NLRP9: variants seen among roughly 807,000 people sequenced by gnomAD.
NLRP9 encodes the protein NLR family pyrin domain containing 9.
A neutral mutation model predicts 83.1 loss-of-function variants in NLRP9; 88 were observed. The observed-to-expected ratio is 1.06, with a 90% CI of 0.89 to 1.26. The LOEUF (loss-of-function observed/expected upper bound fraction) is 1.26, where lower values mean the gene tolerates loss of function less well. Ranked by LOEUF, NLRP9 falls within the 50% of genes most tolerant of loss-of-function variation. The pLI is 0.00. For synonymous variants in NLRP9, 521 were observed against 447.6 expected (o/e 1.16, Z -2.07); for missense variants, 1,308 against 1,179.3 (o/e 1.11, Z -1.60).
In NLRP9 at chr19:55,732,892, C is replaced by T; in HGVS notation, c.939G>A (p.Glu313=). ...KKSYFSYFFG[E]KSKALKVFNF... Reference sequence around the variant, plus strand: ...TGAAGACTTTCAGGGCTTTGCTCTTCTCACCAAAGAAGTAGGAGAAATACG... The same window carrying T: ...TGAAGACTTTCAGGGCTTTGCTCTTTTCACCAAAGAAGTAGGAGAAATACG... Residue 313 remains glutamate (E), a synonymous_variant, in exon 2 of 9, where the codon GAG becomes GAA. Transcript: ENST00000332836. The T allele has an allele frequency of 6.2e-7, 1 of 1,613,968 alleles. No homozygotes were observed. The highest frequency in any genetic ancestry group is 8.5e-7 in the Non-Finnish European group (1 of 1,179,992).
intron 3 of NLRP9, among the ~76,000 whole-genome samples, chr19:55,728,853 G>A (rs2122321880): frequency 6.6e-6 from 1 of 152,174 alleles, no homozygotes; most frequent in South Asian, 2.1e-4. Context: ...TTACAGGGGT[G>A]AAGAGAACAG....
intron 4 of NLRP9, 130 bp from the exon 5 acceptor site, chr19:55,717,028 TTTTTC>T: frequency 3.4e-6 from 2 of 581,946 alleles, no homozygotes; most frequent in African/African-American, 2.1e-5. Flanking sequence ...CTACAGACTC[TTTTTC>T]TTTTTTTTTT....
At chr19:55,724,518 A>G (rs940895779) in intron 3 of NLRP9, among the ~76,000 whole-genome samples, 2 of 152,136 alleles carry the variant, frequency 1.3e-5, no homozygotes, top group African/African-American at 2.4e-5. Context: ...TGACGCACAC[A>G]TATCTGAATT....
intron 1 of NLRP9, among the ~76,000 whole-genome samples, chr19:55,737,038 C>T (rs1988803253): frequency 6.6e-6 from 1 of 151,966 alleles, no homozygotes; most frequent in African/African-American, 2.4e-5. Context: ...AGATAACAAT[C>T]ATCAGAAACA....
At chr19:55,728,185 A>G (rs1988455723) in intron 3 of NLRP9, among the ~76,000 whole-genome samples, 1 of 152,210 alleles carries the variant, frequency 6.6e-6, no homozygotes, top group African/African-American at 2.4e-5. Flanking sequence ...GAAGGAAACC[A>G]GACATTCAGT....
intron 1 of NLRP9, among the ~76,000 whole-genome samples, chr19:55,735,739 G>A (rs752675174): frequency 6.6e-6 from 1 of 151,952 alleles, no homozygotes; most frequent in South Asian, 2.1e-4. Flanking sequence ...CCAGGCTAAA[G>A]TGCAGTGGTG....
chr19:55,709,050 A>AAC lies in NLRP9; in HGVS notation c.2844-7_2844-6insGT. On this transcript the variant is annotated splice_region_variant and splice_polypyrimidine_tract_variant and intron_variant, in intron 8 of 8. Transcript: ENST00000332836. ...CAAAGCCAGATTTGTGCAGCCTGGG[A>AAC]AAATAGAAATAAAGTTTTTTTTTTT... 6.4e-7 allele frequency: 1 copy of AAC among 1,556,492 alleles called. No individual in the cohort carries two copies. The highest frequency in any genetic ancestry group is 8.6e-7 in the Non-Finnish European group (1 of 1,161,876).
At position 55,732,749 on chromosome 19, in the gene NLRP9, G is replaced by A; in HGVS notation, c.1082C>T (p.Ser361Phe). ...TGCATATAAATAGGTGGTGTTTTGG[G>A]AGTTTATTTCAAGGTCTTCTCCCCT... The part of the protein sequence containing the change: ...LERGEDLEIN[S>F]QNTTYLYASF... The change falls in exon 2 of 9, where the codon TCC becomes TTC. Residue 361 changes from serine (S) to phenylalanine (F), a missense_variant. Ser to Phe is a radical substitution (Grantham distance 155). Coordinates refer to ENST00000332836, the MANE Select transcript of NLRP9 (RefSeq NM_176820.4). 1 of 1,614,134 alleles carries A rather than the reference G, an allele frequency of 6.2e-7. No homozygotes were observed.
At chr19:55,737,254 G>GA (rs1181261463) in intron 1 of NLRP9, 4 of 152,198 alleles carry the variant, frequency 2.6e-5, no homozygotes, top group African/African-American at 7.2e-5. Context: ...TGATAAGAAT[G>GA]AAAAGACATT....
chr19:55,713,991 A>G (rs1482128077), intron 6 of NLRP9, among the ~76,000 whole-genome samples: 1 of 143,496 alleles, frequency 7.0e-6, no homozygotes, highest in East Asian at 2.1e-4. Flanking sequence ...ATTGGGCTAA[A>G]ATGCCCCCAT....
At chr19:55,709,699 TTTC>T (rs1157109703) in intron 8 of NLRP9, 1 of 152,206 alleles carries the variant, frequency 6.6e-6, no homozygotes, top group African/African-American at 2.4e-5. Context: ...TTAATTACAC[TTTC>T]TTGTTTATTT....
intron 1 of NLRP9, among the ~76,000 whole-genome samples, chr19:55,736,051 T>C (rs577979106): frequency 1.2e-4 from 18 of 152,166 alleles, no homozygotes; most frequent in South Asian, 8.3e-4. Flanking sequence ...TATTTGCCCA[T>C]AGTAAACATT....
At chr19:55,716,703 A>C in intron 5 of NLRP9, 25 bp downstream of exon 5, 2 of 1,603,148 alleles carry the variant, frequency 1.2e-6, no homozygotes, top group Non-Finnish European at 1.7e-6. Context: ...AAATCTCCGA[A>C]CGTGCTTCCC....
intron 1 of NLRP9, among the ~76,000 whole-genome samples, chr19:55,736,522 A>G (rs1157777994): frequency 6.6e-6 from 1 of 152,174 alleles, no homozygotes; most frequent in African/African-American, 2.4e-5. Context: ...AACATTAATC[A>G]GCAGAAAAGT....
Position 55,711,929 on chromosome 19 carries a change from A to T in NLRP9, c.2714T>A (p.Ile905Asn), listed in dbSNP as rs1339713740. The change falls in exon 8 of 9, where the codon ATC (isoleucine) becomes AAC (asparagine). Residue 905 changes from isoleucine (I) to asparagine (N), a missense_variant. Physicochemically the swap from Ile to Asn is moderately radical, Grantham distance 149 (BLOSUM62 -3). Transcript: ENST00000332836. Reference sequence around the variant, plus strand: ...TTTGCAGGCGATGAGTGCTGCGGCGATGTCGTCGCAGCAGGCACGGGTGAT... The same window carrying T: ...TTTGCAGGCGATGAGTGCTGCGGCGTTGTCGTCGCAGCAGGCACGGGTGAT... ...CPITRACCDD[I>N]AAALIACKTL... The T allele has an allele frequency of 1.9e-6, 3 of 1,613,112 alleles. No individual in the cohort carries two copies. In the Admixed American group the frequency reaches 5.0e-5, roughly 27 times the overall value.
chr19:55,712,327 A>T, intron 7 of NLRP9, 93 bp downstream of exon 7: 4 of 1,130,582 alleles, frequency 3.5e-6, no homozygotes, highest in Non-Finnish European at 3.8e-6. Context: ...ACTTGCTTTT[A>T]AACCTGCCTC....
At position 55,724,051 on chromosome 19, in the gene NLRP9, G is replaced by A. The variant is rs201349141; in HGVS notation, c.2088C>T (p.Ser696=). 2 of 1,613,646 alleles carry A rather than the reference G, an allele frequency of 1.2e-6. No homozygotes were observed. Among genetic ancestry groups the A allele is most frequent in the East Asian group, 2.2e-5 (1 of 44,898 alleles). Residue 696 remains serine (S), a synonymous_variant, in exon 4 of 9, where the codon AGC becomes AGT. Coordinates refer to ENST00000332836, the MANE Select transcript of NLRP9 (RefSeq NM_176820.4). ...GGTGTCTGATGTCAGACTGGGAGAGGCTAGTGCCGTACAGGCTCAGAAGTT... is the reference window on the plus strand; with the variant it reads ...GGTGTCTGATGTCAGACTGGGAGAGACTAGTGCCGTACAGGCTCAGAAGTT... ...HLKLLSLYGT[S]LSQSDIRHLC... is the part of the protein sequence containing the mutation.
Position 55,732,617 on chromosome 19 carries a change from G to A in NLRP9, c.1214C>T (p.Thr405Ile). 2 of 1,614,178 alleles carry A rather than the reference G, an allele frequency of 1.2e-6. No individual in the cohort carries two copies. Among genetic ancestry groups the A allele is most frequent in the Middle Eastern group, 1.6e-4 (1 of 6,062 alleles). ...LCALAAEGIWTYTFVFSHGDL... is the reference protein window; with the variant it reads ...LCALAAEGIWIYTFVFSHGDL... ...CCCATGGGAAAATACAAATGTATAT[G>A]TCCAAATTCCCTCTGCAGCCAAAGC... The change falls in exon 2 of 9, where the codon ACA becomes ATA. Residue 405 changes from threonine (T) to isoleucine (I), a missense_variant. Thr to Ile is a moderately conservative substitution (Grantham distance 89). Transcript: ENST00000332836.
At chr19:55,711,723 G>A (rs562459663) in intron 8 of NLRP9, 77 bp downstream of exon 8, 87 of 1,410,780 alleles carry the variant, frequency 6.2e-5, no homozygotes, top group Non-Finnish European at 8.2e-5. Context: ...CATCCATCAT[G>A]TCGCGGTTGA....
Sources: gnomAD v4.1 joint callset for allele counts (sites outside exome capture counted in the v4.1 genomes callset) on GRCh38, gnomAD v4.1.1 for gene constraint, MANE v1.5 for transcripts, NCBI Gene and HGNC (gene_info 2026-07-23, HGNC 2026-07-21) for gene names.